The following TOP1 variants were observed in gnomAD, a reference collection of about 807,000 sequenced individuals.
TOP1 encodes the protein DNA topoisomerase 1.
Under a neutral mutation model 111.1 loss-of-function variants are expected in TOP1, and 10 were observed. That is an observed-to-expected ratio of 0.09 (90% CI 0.06 to 0.15). The LOEUF (loss-of-function observed/expected upper bound fraction) is 0.15, where lower values mean the gene tolerates loss of function less well. Among genes scored for constraint, TOP1 ranks in the 10% least tolerant of loss-of-function variants. The pLI, the probability that TOP1 is intolerant of heterozygous loss-of-function variation, is 1.00. For synonymous variants in TOP1, 271 were observed against 302.9 expected (o/e 0.89, Z 1.10); for missense variants, 474 against 926.7 (o/e 0.51, Z 6.34).
chr20:41,039,277 G>A (rs1315950597), intron 2 of TOP1, among the ~76,000 whole-genome samples: 2 of 152,064 alleles, frequency 1.3e-5, no homozygotes, highest in Non-Finnish European at 2.9e-5. Flanking sequence ...TTTTTCATTA[G>A]GCCTCAGTAC....
intron 14 of TOP1, 22 bp from the exon 15 acceptor site, chr20:41,113,948 C>T: frequency 6.4e-7 from 1 of 1,566,326 alleles, no homozygotes; most frequent in African/African-American, 1.4e-5. Flanking sequence ...TCATGCTCAT[C>T]TTTTCTTTCT....
intron 3 of TOP1, among the ~76,000 whole-genome samples, chr20:41,075,161 C>A (rs1027898744): frequency 6.6e-6 from 1 of 152,016 alleles, no homozygotes; most frequent in Admixed American, 6.6e-5. Context: ...AAATAAACCT[C>A]TTTTTAAAAT....
chr20:41,097,404 A>C lies in TOP1; in HGVS notation c.852+63A>C, dbSNP rs2033996875. On this transcript the variant is annotated intron_variant, in intron 10 of 20. Transcript: ENST00000361337. The surrounding 1 kb of genome is among the most constrained non-coding windows in gnomAD (Gnocchi z 4.2). ...AAAACAATCAAGTACTAAGTAATAA[A>C]TTATCATTTTGCAAAACATTTCCTG... The C allele has an allele frequency of 1.4e-6, 2 of 1,463,498 alleles. No homozygotes were observed. Among genetic ancestry groups the C allele is most frequent in the Admixed American group, 4.8e-5 (2 of 41,598 alleles). 90.7% of individuals were successfully genotyped at this position (1,463,498 alleles called of 1,614,324 possible).
Position 41,067,232 on chromosome 20 carries a change from G to A in TOP1, c.155+5742G>A, listed in dbSNP as rs906228523. On this transcript the variant is annotated intron_variant, in intron 3 of 20. Transcript: ENST00000361337. This position sits in a 1 kb window ranked among gnomAD's most constrained non-coding sequence, Gnocchi z 4.0. ...CCTCCTGGGTTCAAGCGATTCTCCTGCCTCAGCCTCCCGAGTAGCTGGGAC... is the reference window on the plus strand; with the variant it reads ...CCTCCTGGGTTCAAGCGATTCTCCTACCTCAGCCTCCCGAGTAGCTGGGAC... Among the ~76,000 whole-genome samples the A allele has an allele frequency of 1.3e-5, 2 of 152,094 alleles. No homozygotes were observed. The highest frequency in any genetic ancestry group is 2.9e-5 in the Non-Finnish European group (2 of 68,034).
At position 41,098,600 on chromosome 20, in the gene TOP1, A is replaced by C. The variant is rs2034014601; in HGVS notation, c.975+263A>C. The C allele has an allele frequency of 2.9e-6, 1 of 347,998 alleles. No homozygotes were observed. Among genetic ancestry groups the C allele is most frequent in the Non-Finnish European group, 5.3e-6 (1 of 190,054 alleles). The allele number at this position is 347,998 out of a possible 1,614,324, so 21.6% of individuals were successfully genotyped here. A position where few individuals can be genotyped will look rare whatever the true frequency, so the allele number is the denominator to read the frequency against. Reference sequence around the variant, plus strand: ...AACCAGTCAGTAACTCCAGCCAATAATATAGTAATTAAGGATGGGCAGACC... The same window carrying C: ...AACCAGTCAGTAACTCCAGCCAATACTATAGTAATTAAGGATGGGCAGACC... On this transcript the variant is annotated intron_variant, in intron 11 of 20. Transcript: ENST00000361337. The surrounding 1 kb of genome is among the most constrained non-coding windows in gnomAD (Gnocchi z 5.7).
chr20:41,117,406 G>GACA (rs2034348813), intron 17 of TOP1, among the ~76,000 whole-genome samples: 1 of 14,514 alleles, frequency 6.9e-5, no homozygotes, highest in African/African-American at 3.1e-4. Flanking sequence ...TTTTTTTTTT[G>GACA]AGACGGAGTC....
chr20:41,050,795 GT>G (rs898234752), intron 2 of TOP1, among the ~76,000 whole-genome samples: 1 of 152,184 alleles, frequency 6.6e-6, no homozygotes, highest in Admixed American at 6.5e-5. Flanking sequence ...CTGGATGCCA[GT>G]TTTTTATCAC....
At chr20:41,093,500 C>T (rs1370987462) in intron 9 of TOP1, among the ~76,000 whole-genome samples, 1 of 152,074 alleles carries the variant, frequency 6.6e-6, no homozygotes, top group Non-Finnish European at 1.5e-5. Context: ...CTTTCCCCAG[C>T]ATTCCTCTTC....
At chr20:41,089,023 T>A (rs1173267943) in intron 8 of TOP1, among the ~76,000 whole-genome samples, 1 of 103,456 alleles carries the variant, frequency 9.7e-6, no homozygotes, top group Non-Finnish European at 1.9e-5. Context: ...CCCAGTTCTT[T>A]TTTTTTTTTT....
intron 3 of TOP1, among the ~76,000 whole-genome samples, chr20:41,073,870 G>A (rs1421444942): frequency 6.6e-6 from 1 of 152,106 alleles, no homozygotes; most frequent in Non-Finnish European, 1.5e-5. Context: ...GCAGGGGGAG[G>A]CAGTATATTC....
chr20:41,080,200 T>A lies in TOP1; in HGVS notation c.431+20T>A. Reference sequence around the variant, plus strand: ...GGATGAGTGAGTATTTTCTTAAAACTTTGACTTTTGAAAACAAAAAGGAGG... The same window carrying A: ...GGATGAGTGAGTATTTTCTTAAAACATTGACTTTTGAAAACAAAAAGGAGG... On this transcript the variant is annotated intron_variant, in intron 6 of 20. Coordinates refer to ENST00000361337, the MANE Select transcript of TOP1 (RefSeq NM_003286.4). The surrounding 1 kb of genome is among the most constrained non-coding windows in gnomAD (Gnocchi z 5.0). The A allele has an allele frequency of 6.8e-7, 1 of 1,462,636 alleles. No individual in the cohort carries two copies. The highest frequency in any genetic ancestry group is 9.4e-7 in the Non-Finnish European group (1 of 1,061,354). 90.6% of individuals were successfully genotyped at this position (1,462,636 alleles called of 1,614,324 possible).
chr20:41,118,979 A>G lies in TOP1; in HGVS notation c.1950+683A>G, dbSNP rs962863042. Among the ~76,000 whole-genome samples the G allele has an allele frequency of 2.0e-5, 3 of 152,244 alleles. No homozygotes were observed. Among genetic ancestry groups the G allele is most frequent in the African/African-American group, 4.8e-5 (2 of 41,474 alleles). ...ACATTTTTGTGTTAGCAGTGACTTC[A>G]TAACTAATTCATCCTAACATGGTGG... On this transcript the variant is annotated intron_variant, in intron 18 of 20. Coordinates refer to ENST00000361337, the MANE Select transcript of TOP1 (RefSeq NM_003286.4). This position sits in a 1 kb window ranked among gnomAD's most constrained non-coding sequence, Gnocchi z 4.6.
rs1370584169 is a variant in TOP1, at chr20:41,097,473, C to T, written c.852+132C>T. 25 of 946,088 alleles carry T rather than the reference C, an allele frequency of 2.6e-5. No individual in the cohort carries two copies. Among genetic ancestry groups the T allele is most frequent in the African/African-American group, 3.4e-5 (2 of 59,224 alleles). The allele number at this position is 946,088 out of a possible 1,614,324, so 58.6% of individuals were successfully genotyped here. A position where few individuals can be genotyped will look rare whatever the true frequency, so the allele number is the denominator to read the frequency against. Reference sequence around the variant, plus strand: ...ATGGATTTTGTTGTATTTAAACTTGCGTATTTTTTGTCTTCATTTACTATA... The same window carrying T: ...ATGGATTTTGTTGTATTTAAACTTGTGTATTTTTTGTCTTCATTTACTATA... On this transcript the variant is annotated intron_variant, in intron 10 of 20. Coordinates refer to ENST00000361337, the MANE Select transcript of TOP1 (RefSeq NM_003286.4). The surrounding 1 kb of genome is among the most constrained non-coding windows in gnomAD (Gnocchi z 4.2).
At chr20:41,051,373 A>G (rs1423015765) in intron 2 of TOP1, among the ~76,000 whole-genome samples, 1 of 152,208 alleles carries the variant, frequency 6.6e-6, no homozygotes, top group Non-Finnish European at 1.5e-5. Flanking sequence ...AAGGCAGCAA[A>G]GGACTCTTCT....
chr20:41,047,041 G>A (rs956756210), intron 2 of TOP1, among the ~76,000 whole-genome samples: 1 of 152,190 alleles, frequency 6.6e-6, no homozygotes, highest in African/African-American at 2.4e-5. Flanking sequence ...TGTGTTAGAC[G>A]GGAGTTGTAG....
intron 11 of TOP1, among the ~76,000 whole-genome samples, chr20:41,099,620 G>A (rs1246187929): frequency 6.6e-6 from 1 of 152,146 alleles, no homozygotes; most frequent in African/African-American, 2.4e-5. Flanking sequence ...ATTAGTGACA[G>A]ATCTGTCTGA....
At position 41,112,392 on chromosome 20, in the gene TOP1, A is replaced by G. The variant is rs1233500224; in HGVS notation, c.1309-390A>G. Among the ~76,000 whole-genome samples the G allele has an allele frequency of 6.6e-6, 1 of 152,258 alleles. No homozygotes were observed. Among genetic ancestry groups the G allele is most frequent in the African/African-American group, 2.4e-5 (1 of 41,466 alleles). On this transcript the variant is annotated intron_variant, in intron 13 of 20. Coordinates refer to ENST00000361337, the MANE Select transcript of TOP1 (RefSeq NM_003286.4). This position sits in a 1 kb window ranked among gnomAD's most constrained non-coding sequence, Gnocchi z 5.8. ...TCCCATGTGGGTTTTTCCCAGGAACATAAACATTTTAGAGAATTAGAGCTA... is the reference window on the plus strand; with the variant it reads ...TCCCATGTGGGTTTTTCCCAGGAACGTAAACATTTTAGAGAATTAGAGCTA...
rs192633972 is a variant in TOP1, at chr20:41,032,196, T to A, written c.58+2741T>A. ...CAAGTTCATATATTAAAATCAAACG[T>A]CTCTCATTTTGCCTGCCCTCATCCC... On this transcript the variant is annotated intron_variant, in intron 2 of 20. Transcript: ENST00000361337. This position sits in a 1 kb window ranked among gnomAD's most constrained non-coding sequence, Gnocchi z 4.3. Among the ~76,000 whole-genome samples, 58 of 152,264 alleles carry A rather than the reference T, an allele frequency of 3.8e-4. No individual in the cohort carries two copies. Among genetic ancestry groups the A allele is most frequent in the Non-Finnish European group, 5.7e-4 (39 of 68,028 alleles).
chr20:41,083,831 C>G lies in TOP1; in HGVS notation c.508-631C>G, dbSNP rs1465244080. Among the ~76,000 whole-genome samples the G allele has an allele frequency of 1.3e-5, 2 of 152,020 alleles. No homozygotes were observed. The highest frequency in any genetic ancestry group is 4.8e-5 in the African/African-American group (2 of 41,386). On this transcript the variant is annotated intron_variant, in intron 7 of 20. Coordinates refer to ENST00000361337, the MANE Select transcript of TOP1 (RefSeq NM_003286.4). This position sits in a 1 kb window ranked among gnomAD's most constrained non-coding sequence, Gnocchi z 7.2. ...CATCTCCTGTATTGGTGAATTGTGC[C>G]TGTTTAGGTTTGATGCCCGTTTATT...
Sources: allele counts gnomAD v4.1 joint callset (sites outside exome capture counted in the v4.1 genomes callset), GRCh38; gene constraint gnomAD v4.1.1; non-coding constraint Gnocchi (gnomAD v3.1); transcripts MANE v1.5; gene names NCBI Gene and HGNC (gene_info 2026-07-23, HGNC 2026-07-21).